UCK2: variants seen among roughly 807,000 people sequenced by gnomAD.
UCK2 encodes uridine-cytidine kinase 2.
Under a neutral mutation model 30.8 loss-of-function variants are expected in UCK2, and 6 were observed. The observed-to-expected ratio is 0.19, with a 90% CI of 0.11 to 0.38. UCK2 has a LOEUF of 0.38. Ranked by LOEUF, UCK2 falls within the 10% of genes least tolerant of loss-of-function variation. The probability of loss-of-function intolerance (pLI) is 1.00; values close to 1 mark genes in which losing one functional copy is unlikely to be tolerated. For synonymous variants in UCK2, 125 were observed against 133.6 expected, an observed-to-expected ratio of 0.94 and a Z score of 0.45; for missense variants, 210 against 339.8, an observed-to-expected ratio of 0.62 and a Z score of 3.00.
Position 165,895,727 on chromosome 1 carries a change from C to T in UCK2, c.357-463C>T, listed in dbSNP as rs542294813. 1.4e-5 allele frequency: 12 copies of T among 874,376 alleles called. No homozygotes were observed. In the South Asian group the frequency reaches 4.7e-4, roughly 34 times the overall value. The allele number at this position is 874,376 out of a possible 1,614,324, so 54.2% of individuals were successfully genotyped here. A position where few individuals can be genotyped will look rare whatever the true frequency, so the allele number is the denominator to read the frequency against. ...CTTTCCTCCCTCCTTTCAATTGCCT[C>T]AGGACTGGCGGGGAGGGGATGGAGT... On this transcript the variant is annotated intron_variant, in intron 3 of 6. Coordinates refer to ENST00000367879, the MANE Select transcript of UCK2 (RefSeq NM_012474.5).
intron 1 of UCK2, among the ~76,000 whole-genome samples, chr1:165,862,689 A>T (rs997449345): frequency 6.6e-6 from 1 of 152,178 alleles, no homozygotes; most frequent in Non-Finnish European, 1.5e-5. Flanking sequence ...CAGCCAAGTG[A>T]GTTCTAGTTT....
At chr1:165,900,790 C>T (rs901828301) in intron 4 of UCK2, 1 of 152,294 alleles carries the variant, frequency 6.6e-6, no homozygotes, top group African/African-American at 2.4e-5. Context: ...AAAGCTTCCT[C>T]CAGTGCTAAA....
chr1:165,860,961 T>C (rs1359704368), intron 1 of UCK2, among the ~76,000 whole-genome samples: 1 of 152,172 alleles, frequency 6.6e-6, no homozygotes, highest in African/African-American at 2.4e-5. Flanking sequence ...CTGTCCAGTC[T>C]ACTATAATAA....
chr1:165,886,383 C>T (rs962193902), intron 1 of UCK2, among the ~76,000 whole-genome samples: 2 of 152,100 alleles, frequency 1.3e-5, no homozygotes, highest in African/African-American at 4.8e-5. Flanking sequence ...CAGCCTTGAT[C>T]TCCTGGGCTC....
chr1:165,842,706 T>TG (rs1203826664), intron 1 of UCK2, among the ~76,000 whole-genome samples: 1 of 152,240 alleles, frequency 6.6e-6, no homozygotes, highest in Non-Finnish European at 1.5e-5. Flanking sequence ...ACATTGCTGC[T>TG]GGAGTGATCT....
intron 1 of UCK2, among the ~76,000 whole-genome samples, chr1:165,874,365 CAT>C (rs769024941): frequency 3.3e-5 from 5 of 152,174 alleles, no homozygotes; most frequent in Non-Finnish European, 7.3e-5. Flanking sequence ...TCAAATGAGA[CAT>C]AGGGTTTATT....
intron 1 of UCK2, among the ~76,000 whole-genome samples, chr1:165,861,213 C>T (rs915061199): frequency 2.6e-5 from 4 of 152,130 alleles, no homozygotes; most frequent in Admixed American, 2.6e-4. Flanking sequence ...ACCTAATCAC[C>T]TCCCAGAGGT....
chr1:165,854,605 A>G (rs1654681689), intron 1 of UCK2, among the ~76,000 whole-genome samples: 1 of 139,318 alleles, frequency 7.2e-6, no homozygotes, highest in Non-Finnish European at 1.6e-5. Context: ...TTAAAAATAA[A>G]TAAATAAATA....
intron 2 of UCK2, 77 bp from the exon 3 acceptor site, chr1:165,891,149 T>G: frequency 2.0e-5 from 26 of 1,281,542 alleles, no homozygotes; most frequent in Non-Finnish European, 2.6e-5. Flanking sequence ...TACATGTTTA[T>G]GAGGATGCCT....
intron 3 of UCK2, among the ~76,000 whole-genome samples, chr1:165,893,635 T>C (rs1376440630): frequency 6.6e-6 from 1 of 152,234 alleles, no homozygotes; most frequent in East Asian, 1.9e-4. Flanking sequence ...GATGATCTAA[T>C]TGGCTAGTTT....
chr1:165,882,992 T>G (rs1353787162), intron 1 of UCK2, among the ~76,000 whole-genome samples: 6 of 152,050 alleles, frequency 3.9e-5, no homozygotes, highest in African/African-American at 1.4e-4. Context: ...ACCCAGCTAA[T>G]TTTTTGTATT....
At chr1:165,837,548 T>C (rs1012829709) in intron 1 of UCK2, among the ~76,000 whole-genome samples, 3 of 152,190 alleles carry the variant, frequency 2.0e-5, no homozygotes, top group African/African-American at 7.2e-5. Context: ...TCTTTTGCTC[T>C]TTTTGGGGCC....
intron 3 of UCK2, among the ~76,000 whole-genome samples, chr1:165,892,988 G>T (rs1415508374): frequency 6.6e-6 from 1 of 152,156 alleles, no homozygotes; most frequent in South Asian, 2.1e-4. Flanking sequence ...AGGCGGCAGG[G>T]CCAGGAGCAC....
intron 1 of UCK2, among the ~76,000 whole-genome samples, chr1:165,889,570 C>A (rs965383066): frequency 2.0e-5 from 3 of 152,108 alleles, no homozygotes; most frequent in East Asian, 1.9e-4. Context: ...CTCCTTCCCC[C>A]ACCATCACTG....
chr1:165,850,208 A>G (rs549523487), intron 1 of UCK2, among the ~76,000 whole-genome samples: 1 of 146,386 alleles, frequency 6.8e-6, no homozygotes, highest in Admixed American at 6.9e-5. Context: ...TTGGCTCACC[A>G]CAGCCTCCAC....
At chr1:165,836,879 C>T (rs535205375) in intron 1 of UCK2, among the ~76,000 whole-genome samples, 29 of 152,250 alleles carry the variant, frequency 1.9e-4, no homozygotes, top group Non-Finnish European at 3.2e-4. Flanking sequence ...GTTCTGGAGG[C>T]TAAGAAGTCC....
intron 1 of UCK2, among the ~76,000 whole-genome samples, chr1:165,862,325 TCAGGA>T (rs969723909): frequency 1.1e-4 from 17 of 152,188 alleles, no homozygotes; most frequent in African/African-American, 3.9e-4. Flanking sequence ...GCAGCCAGGT[TCAGGA>T]CAGTGCTGCT....
chr1:165,850,759 C>T (rs891255631), intron 1 of UCK2, among the ~76,000 whole-genome samples: 5 of 151,576 alleles, frequency 3.3e-5, no homozygotes, highest in Admixed American at 2.0e-4. Context: ...GCTGAGACTA[C>T]AGGCGCCCGC....
chr1:165,888,284 C>A (rs1052503138), intron 1 of UCK2, among the ~76,000 whole-genome samples: 1 of 151,874 alleles, frequency 6.6e-6, no homozygotes, highest in Non-Finnish European at 1.5e-5. Flanking sequence ...CTGTTCTGTT[C>A]TGTTCTTTTC....
Sources: gnomAD v4.1 joint callset for allele counts (sites outside exome capture counted in the v4.1 genomes callset) on GRCh38, gnomAD v4.1.1 for gene constraint, MANE v1.5 for transcripts, NCBI Gene and HGNC (gene_info 2026-07-23, HGNC 2026-07-21) for gene names.